The following VWA3B variants were observed in gnomAD, a reference collection of about 807,000 sequenced individuals.
VWA3B encodes the protein von Willebrand factor A domain-containing protein 3B.
In VWA3B, 138 loss-of-function variants were observed where a neutral mutation model predicts 158.3. That is an observed-to-expected ratio of 0.87 (90% CI 0.76 to 1.00). The LOEUF is 1.00. Ranked by LOEUF, VWA3B falls within the 50% of genes least tolerant of loss-of-function variation. The pLI is 0.00. For missense variants in VWA3B, 1,555 were observed against 1,565.1 expected (o/e 0.99, Z 0.11); for synonymous variants, 596 against 587.3 (o/e 1.01, Z -0.21).
intron 7 of VWA3B, among the ~76,000 whole-genome samples, chr2:98,153,623 T>A (rs1677818220): frequency 6.6e-6 from 1 of 152,226 alleles, no homozygotes; most frequent in Non-Finnish European, 1.5e-5. Context: ...TGCTTCTTTG[T>A]TTCTAATCTC....
chr2:98,267,049 A>G (rs113972366), intron 21 of VWA3B, among the ~76,000 whole-genome samples: 5,429 of 151,070 alleles, frequency 0.036, 143 homozygotes, highest in Middle Eastern at 0.072. Context: ...TTTTTCTCCT[A>G]CCTGATTGCC....
At chr2:98,307,382 CT>C (rs1168392093) in intron 26 of VWA3B, among the ~76,000 whole-genome samples, 1 of 152,076 alleles carries the variant, frequency 6.6e-6, no homozygotes, top group Non-Finnish European at 1.5e-5. Flanking sequence ...CAACTTAGAA[CT>C]TTTTTAAAGA....
At chr2:98,234,612 C>T (rs759120377) in intron 16 of VWA3B, 36 bp from the exon 17 acceptor site, 10 of 1,613,412 alleles carry the variant, frequency 6.2e-6, no homozygotes, top group East Asian at 4.5e-5. Flanking sequence ...CTTCCATCCC[C>T]AATTCCTTTA....
rs752608253 is a variant in VWA3B, at chr2:98,121,472, C to T, written c.702+14C>T. The T allele has an allele frequency of 1.2e-6, 2 of 1,609,208 alleles. No homozygotes were observed. Among genetic ancestry groups the T allele is most frequent in the East Asian group, 4.5e-5 (2 of 44,736 alleles). On this transcript the variant is annotated intron_variant, in intron 5 of 27. Coordinates refer to ENST00000477737, the MANE Select transcript of VWA3B (RefSeq NM_144992.5). ...AGAGACAAGACTGTAAGTGCGTGTT[C>T]ATGGCTGGCCCCAGGCCATGGAGGT...
At chr2:98,189,147 G>A (rs544976937) in intron 10 of VWA3B, among the ~76,000 whole-genome samples, 2 of 152,166 alleles carry the variant, frequency 1.3e-5, no homozygotes, top group Non-Finnish European at 2.9e-5. Flanking sequence ...AGTGATTCAC[G>A]CCTGTAATCC....
chr2:98,175,943 C>A (rs1679977161), intron 8 of VWA3B, among the ~76,000 whole-genome samples: 1 of 152,192 alleles, frequency 6.6e-6, no homozygotes, highest in Non-Finnish European at 1.5e-5. Context: ...GGTACTTTAG[C>A]AAGTGTAGGT....
intron 22 of VWA3B, 105 bp downstream of exon 22, chr2:98,270,988 G>A: frequency 8.6e-7 from 1 of 1,161,168 alleles, no homozygotes; most frequent in South Asian, 1.5e-5. Flanking sequence ...CCGCCACACT[G>A]ATTTCTAAAA....
intron 21 of VWA3B, among the ~76,000 whole-genome samples, chr2:98,267,475 T>A (rs948463117): frequency 1.3e-5 from 2 of 152,016 alleles, no homozygotes; most frequent in African/African-American, 4.8e-5. Flanking sequence ...GAAATAAAGA[T>A]GTTCTTTGAA....
chr2:98,119,220 C>T (rs917250874), intron 3 of VWA3B, among the ~76,000 whole-genome samples: 3 of 152,126 alleles, frequency 2.0e-5, no homozygotes, highest in Admixed American at 1.3e-4. Context: ...CTTAAGAGTA[C>T]CCTGGGCTTT....
chr2:98,219,043 C>A (rs1684264360), intron 14 of VWA3B, among the ~76,000 whole-genome samples: 1 of 152,116 alleles, frequency 6.6e-6, no homozygotes, highest in African/African-American at 2.4e-5. Flanking sequence ...TAACTGCATC[C>A]CAGAACAAAC....
chr2:98,097,881 T>C (rs796388618), intron 2 of VWA3B, among the ~76,000 whole-genome samples: 42 of 152,312 alleles, frequency 2.8e-4, no homozygotes, highest in African/African-American at 9.1e-4. Flanking sequence ...TTTTTTCATA[T>C]GTTTGTTGGC....
intron 2 of VWA3B, among the ~76,000 whole-genome samples, chr2:98,107,850 T>C (rs1673797483): frequency 1.3e-5 from 2 of 152,042 alleles, no homozygotes; most frequent in South Asian, 4.1e-4. Flanking sequence ...GTTTTTCTGT[T>C]TTCAATTTCA....
intron 7 of VWA3B, among the ~76,000 whole-genome samples, chr2:98,148,099 C>T (rs1677323702): frequency 6.6e-6 from 1 of 152,202 alleles, no homozygotes; most frequent in East Asian, 1.9e-4. Context: ...GGTGTATTTA[C>T]TCCTGTAGTT....
chr2:98,192,954 G>A lies in VWA3B; in HGVS notation c.1523G>A (p.Cys508Tyr), dbSNP rs936739670. 6.2e-7 allele frequency: 1 copy of A among 1,614,148 alleles called. No individual in the cohort carries two copies. The highest frequency in any genetic ancestry group is 1.7e-5 in the Admixed American group (1 of 60,012). The change falls in exon 11 of 28, where the codon TGC becomes TAC. Residue 508 changes from cysteine (C) to tyrosine (Y), a missense_variant. Physicochemically the swap from Cys to Tyr is radical, Grantham distance 194. Coordinates refer to ENST00000477737, the MANE Select transcript of VWA3B (RefSeq NM_144992.5). ...QSLFGRLHND[C>Y]IYILIDTSHS... ...CTCTTTGGAAGATTGCATAATGATT[G>A]CATCTACATTCTCATTGACACGTCT...
chr2:98,278,286 C>T (rs150442042), intron 22 of VWA3B, among the ~76,000 whole-genome samples: 224 of 152,240 alleles, frequency 1.5e-3, no homozygotes, highest in Non-Finnish European at 2.6e-3. Flanking sequence ...TTCTGGGTGC[C>T]GGCAGGAGCA....
At chr2:98,201,091 T>G (rs1001723863) in intron 12 of VWA3B, among the ~76,000 whole-genome samples, 1 of 152,178 alleles carries the variant, frequency 6.6e-6, no homozygotes, top group Non-Finnish European at 1.5e-5. Context: ...CCTTCCAAAT[T>G]TTTTTGGCTG....
At chr2:98,184,768 C>G (rs1346869701) in intron 9 of VWA3B, among the ~76,000 whole-genome samples, 1 of 152,218 alleles carries the variant, frequency 6.6e-6, no homozygotes, top group African/African-American at 2.4e-5. Context: ...CTCTCCCATT[C>G]CCTTTGGACC....
At chr2:98,193,672 T>C (rs1041077438) in intron 11 of VWA3B, among the ~76,000 whole-genome samples, 1 of 151,600 alleles carries the variant, frequency 6.6e-6, no homozygotes, top group Non-Finnish European at 1.5e-5. Flanking sequence ...CCCGGCTCAC[T>C]GCAAGCTCCG....
chr2:98,128,173 C>T, intron 5 of VWA3B, 66 bp from the exon 6 acceptor site: 1 of 1,561,166 alleles, frequency 6.4e-7, no homozygotes, highest in Non-Finnish European at 8.8e-7. Context: ...ATGGGTATTA[C>T]TGATGAGACT....
Sources: gnomAD v4.1 joint callset for allele counts (sites outside exome capture counted in the v4.1 genomes callset) on GRCh38, gnomAD v4.1.1 for gene constraint, MANE v1.5 for transcripts, NCBI Gene and HGNC (gene_info 2026-07-23, HGNC 2026-07-21) for gene names.